Variants in WWC2 observed in about 807,000 individuals in gnomAD.
The protein encoded by WWC2 is WW and C2 domain containing 2.
Under a neutral mutation model 138.5 loss-of-function variants are expected in WWC2, and 101 were observed. The ratio of observed to expected loss-of-function variants is 0.73; its 90% CI spans 0.62 to 0.86. The LOEUF is 0.86. Ranked by LOEUF, WWC2 falls within the 40% of genes least tolerant of loss-of-function variation. The pLI is 0.00. For missense variants in WWC2, 1,420 were observed against 1,419.4 expected (o/e 1.00, Z -0.01); for synonymous variants, 558 against 538.4 (o/e 1.04, Z -0.50).
rs1260629412 is a variant in WWC2 at position 183,249,972 on chromosome 4, A to G, written c.932A>G (p.Gln311Arg). ...NLAEKVRLSLQYEEAKRSMAN... is the reference protein window; with the variant it reads ...NLAEKVRLSLRYEEAKRSMAN... Reference sequence around the variant, plus strand: ...GCTGAAAAGGTCAGGCTAAGCCTACAGTATGAAGAAGCCAAAAGAAGGTAA... The same window carrying G: ...GCTGAAAAGGTCAGGCTAAGCCTACGGTATGAAGAAGCCAAAAGAAGGTAA... The change falls in exon 8 of 23, where the codon CAG (glutamine) becomes CGG (arginine). Residue 311 changes from glutamine (Q) to arginine (R), a missense_variant. Gln to Arg is a conservative substitution (Grantham distance 43). Coordinates refer to ENST00000403733, the MANE Select transcript of WWC2 (RefSeq NM_024949.6). 1.2e-6 allele frequency: 2 copies of G among 1,613,820 alleles called. No homozygotes were observed. Among genetic ancestry groups the G allele is most frequent in the Non-Finnish European group, 8.5e-7 (1 of 1,179,802 alleles).
chr4:183,180,861 C>G (rs1011573384), intron 1 of WWC2, among the ~76,000 whole-genome samples: 1 of 151,858 alleles, frequency 6.6e-6, no homozygotes, highest in African/African-American at 2.4e-5. Context: ...AAAAAACTTA[C>G]GTGAACTACA....
rs566642494 is a variant in WWC2, at chr4:183,293,673, C to T, written c.3384+4038C>T. 2.2e-4 allele frequency among the ~76,000 whole-genome samples: 34 copies of T among 152,244 alleles called. 1 individual carries two copies. The South Asian group carries it at 4.6e-3, about 20-fold the overall frequency. On this transcript the variant is annotated intron_variant, in intron 21 of 22. Coordinates refer to ENST00000403733, the MANE Select transcript of WWC2 (RefSeq NM_024949.6). Reference sequence around the variant, plus strand: ...AAAGAAATAAAGCTGCCATTATCTACAGGTGACATTGCATGCATTAAAAAA... The same window carrying T: ...AAAGAAATAAAGCTGCCATTATCTATAGGTGACATTGCATGCATTAAAAAA...
intron 1 of WWC2, among the ~76,000 whole-genome samples, chr4:183,147,312 G>A (rs1187510284): frequency 6.6e-6 from 1 of 152,228 alleles, no homozygotes; most frequent in East Asian, 1.9e-4. Flanking sequence ...GCTCAGAGAA[G>A]CTAAGTAATT....
intron 16 of WWC2, among the ~76,000 whole-genome samples, chr4:183,279,240 G>A (rs1427604291): frequency 6.6e-6 from 1 of 151,934 alleles, no homozygotes; most frequent in African/African-American, 2.4e-5. Context: ...TAATCATGTG[G>A]TTTTTGTCTT....
At chr4:183,188,643 C>CTTTTT (rs11341026) in intron 1 of WWC2, among the ~76,000 whole-genome samples, 1 of 79,754 alleles carries the variant, frequency 1.3e-5, no homozygotes, top group African/African-American at 4.6e-5. Context: ...TTGCTCCTTT[C>CTTTTT]TTTTTTTTTT....
Position 183,289,439 on chromosome 4 carries a change from T to G in WWC2, c.3188T>G (p.Val1063Gly). 6.2e-7 allele frequency: 1 copy of G among 1,612,618 alleles called. No homozygotes were observed. The highest frequency in any genetic ancestry group is 8.5e-7 in the Non-Finnish European group (1 of 1,179,266). The change falls in exon 21 of 23, where the codon GTG becomes GGG. Residue 1063 changes from valine to glycine, a missense_variant. Transcript: ENST00000403733. ...VLRRTTQECP[V>G]RTSLDLELDL... Reference sequence around the variant, plus strand: ...AGAAGAACAACACAGGAATGCCCAGTGCGGACATCTCTAGACTTAGAACTG... The same window carrying G: ...AGAAGAACAACACAGGAATGCCCAGGGCGGACATCTCTAGACTTAGAACTG...
chr4:183,180,196 A>G lies in WWC2; in HGVS notation c.132-13403A>G, dbSNP rs1171421221. ...TGTTAAAGATATTTTTGCTACTTGTATATCAGGCGGACTGGCTTCTCCTTG... is the reference window on the plus strand; with the variant it reads ...TGTTAAAGATATTTTTGCTACTTGTGTATCAGGCGGACTGGCTTCTCCTTG... On this transcript the variant is annotated intron_variant, in intron 1 of 22. Transcript: ENST00000403733. Among the ~76,000 whole-genome samples, 4 of 152,178 alleles carry G rather than the reference A, an allele frequency of 2.6e-5. 1 individual carries two copies. Among genetic ancestry groups the G allele is most frequent in the Admixed American group, 1.3e-4 (2 of 15,268 alleles).
intron 22 of WWC2, 71 bp from the exon 23 acceptor site, chr4:183,315,592 G>A (rs1216790648): frequency 7.3e-6 from 9 of 1,240,360 alleles, no homozygotes; most frequent in Admixed American, 2.1e-5. Flanking sequence ...AGGTCTTGGG[G>A]ACTGTTTTAA....
chr4:183,266,407 A>T (rs1413516557), intron 14 of WWC2, among the ~76,000 whole-genome samples: 1 of 152,210 alleles, frequency 6.6e-6, no homozygotes, highest in Non-Finnish European at 1.5e-5. Context: ...TCAAGCATTT[A>T]CTTCCCTGTG....
chr4:183,214,951 A>G (rs1735711389), intron 4 of WWC2, among the ~76,000 whole-genome samples: 1 of 152,178 alleles, frequency 6.6e-6, no homozygotes, highest in African/African-American at 2.4e-5. Flanking sequence ...AAAGAGAATG[A>G]TGCTAACTTG....
chr4:183,270,977 C>A, intron 15 of WWC2, 103 bp from the exon 16 acceptor site: 1 of 1,083,206 alleles, frequency 9.2e-7, no homozygotes, highest in Non-Finnish European at 1.2e-6. Context: ...TACCCTAAAA[C>A]AAGCTCATTC....
In WWC2 at chr4:183,260,975, G is replaced by T; in HGVS notation, c.1352G>T (p.Gly451Val). ...CTGGGTTCCCTGGCATCGAGTCGGG[G>T]CTCTCTGAACACCTCCAGCAGAGGG... ...SSLGSLASSR[G>V]SLNTSSRGSL... is the part of the protein sequence containing the mutation. The change falls in exon 11 of 23, where the codon GGC becomes GTC. Residue 451 changes from glycine to valine, a missense_variant. Physicochemically the swap from Gly to Val is moderately radical, Grantham distance 109 (BLOSUM62 -3). Transcript: ENST00000403733. 6.2e-7 allele frequency: 1 copy of T among 1,613,926 alleles called. No individual in the cohort carries two copies. The highest frequency in any genetic ancestry group is 8.5e-7 in the Non-Finnish European group (1 of 1,179,864).
intron 16 of WWC2, among the ~76,000 whole-genome samples, chr4:183,271,678 A>G (rs1737698861): frequency 6.6e-6 from 1 of 152,216 alleles, no homozygotes; most frequent in Admixed American, 6.5e-5. Context: ...TTTCATTTGT[A>G]ACATCAATAG....
At chr4:183,133,743 C>T (rs1733019325) in intron 1 of WWC2, among the ~76,000 whole-genome samples, 1 of 152,170 alleles carries the variant, frequency 6.6e-6, no homozygotes, top group Admixed American at 6.5e-5. Flanking sequence ...GATCTGCCCA[C>T]CTTGGCCTCC....
intron 6 of WWC2, 139 bp from the exon 7 acceptor site, chr4:183,248,575 T>C: frequency 2.4e-6 from 2 of 817,106 alleles, no homozygotes; most frequent in South Asian, 5.7e-5. Context: ...TTTTCAATTA[T>C]ATAAAATGGT....
chr4:183,148,710 A>G (rs1431638119), intron 1 of WWC2, among the ~76,000 whole-genome samples: 1 of 152,190 alleles, frequency 6.6e-6, no homozygotes, highest in Non-Finnish European at 1.5e-5. Flanking sequence ...CTGTTCCCAA[A>G]TTTGAGCTCC....
intron 1 of WWC2, among the ~76,000 whole-genome samples, chr4:183,153,090 A>C (rs1313062685): frequency 1.3e-5 from 2 of 152,042 alleles, no homozygotes; most frequent in South Asian, 2.1e-4. Context: ...GTTTTTGTAG[A>C]GACAGAGTTT....
intron 22 of WWC2, among the ~76,000 whole-genome samples, chr4:183,313,688 G>A (rs1382313882): frequency 1.3e-5 from 2 of 151,756 alleles, no homozygotes; most frequent in Non-Finnish European, 2.9e-5. Context: ...AAAATGTGAG[G>A]TGACTGGGAA....
chr4:183,278,772 C>G (rs1172911043), intron 16 of WWC2, among the ~76,000 whole-genome samples: 1 of 151,468 alleles, frequency 6.6e-6, no homozygotes, highest in Non-Finnish European at 1.5e-5. Context: ...TGATTTGGCT[C>G]TCTGTTTGTC....
Sources: allele counts gnomAD v4.1 joint callset (sites outside exome capture counted in the v4.1 genomes callset), GRCh38; gene constraint gnomAD v4.1.1; transcripts MANE v1.5; gene names NCBI Gene and HGNC (gene_info 2026-07-23, HGNC 2026-07-21).